COL25A1: variants seen among roughly 807,000 people sequenced by gnomAD.
COL25A1 encodes the protein collagen type XXV alpha 1 chain.
Under a neutral mutation model 128.4 loss-of-function variants are expected in COL25A1, and 103 were observed. That is an observed-to-expected ratio of 0.80 (90% CI 0.68 to 0.94). The LOEUF (loss-of-function observed/expected upper bound fraction) is 0.94. COL25A1 is among the 40% of genes least tolerant of loss of function. COL25A1 has a pLI of 0.00. For missense variants in COL25A1, 745 were observed against 840.0 expected (o/e 0.89, Z 1.40); for synonymous variants, 279 against 277.2 (o/e 1.01, Z -0.06).
intron 20 of COL25A1, 41 bp downstream of exon 20, chr4:108,869,047 A>G (rs778122257): frequency 1.6e-6 from 2 of 1,280,380 alleles, no homozygotes; most frequent in African/African-American, 1.5e-5. Flanking sequence ...AAAAGAAAGA[A>G]AGAAAAAGAA....
At chr4:109,179,171 C>T (rs866232903) in intron 3 of COL25A1, among the ~76,000 whole-genome samples, 17 of 152,306 alleles carry the variant, frequency 1.1e-4, no homozygotes, top group African/African-American at 2.4e-4. Flanking sequence ...TTCAAGGTGA[C>T]GGTCACCACC....
At chr4:108,937,594 C>CCT (rs2125923418) in intron 11 of COL25A1, among the ~76,000 whole-genome samples, 1 of 45,556 alleles carries the variant, frequency 2.2e-5, no homozygotes, top group African/African-American at 4.2e-5. Context: ...GCTCCCCACA[C>CCT]CTGGAATCTC....
At chr4:109,163,611 T>C (rs1334981751) in intron 3 of COL25A1, among the ~76,000 whole-genome samples, 1 of 152,218 alleles carries the variant, frequency 6.6e-6, no homozygotes, top group East Asian at 1.9e-4. Context: ...CTAAACAGCA[T>C]GAATGGCTAA....
At chr4:109,082,484 C>T (rs747172672) in intron 3 of COL25A1, among the ~76,000 whole-genome samples, 2 of 152,134 alleles carry the variant, frequency 1.3e-5, no homozygotes, top group Non-Finnish European at 2.9e-5. Context: ...TTATTACAGC[C>T]GTCCTCATGC....
intron 3 of COL25A1, among the ~76,000 whole-genome samples, chr4:109,216,697 G>C (rs1047185909): frequency 3.3e-5 from 5 of 152,148 alleles, no homozygotes; most frequent in Admixed American, 1.3e-4. Flanking sequence ...TTCAGAGGGA[G>C]CATGGCCCTG....
intron 11 of COL25A1, among the ~76,000 whole-genome samples, chr4:108,922,897 T>C (rs1446670989): frequency 6.6e-6 from 1 of 152,192 alleles, no homozygotes; most frequent in Non-Finnish European, 1.5e-5. Context: ...AATGTGCATA[T>C]ACTTCTTTGA....
At chr4:109,049,779 C>T (rs1476792080) in intron 4 of COL25A1, among the ~76,000 whole-genome samples, 1 of 152,136 alleles carries the variant, frequency 6.6e-6, no homozygotes, top group African/African-American at 2.4e-5. Context: ...TGACTGACCA[C>T]CTATATAGAT....
intron 3 of COL25A1, among the ~76,000 whole-genome samples, chr4:109,286,689 G>A (rs1723923305): frequency 6.6e-6 from 1 of 152,136 alleles, no homozygotes; most frequent in Non-Finnish European, 1.5e-5. Context: ...ATGCTGCTAA[G>A]CATCCTATGA....
chr4:108,880,270 G>A (rs1204291824), intron 19 of COL25A1, among the ~76,000 whole-genome samples: 1 of 152,162 alleles, frequency 6.6e-6, no homozygotes, highest in Admixed American at 6.5e-5. Flanking sequence ...TAACACTGTG[G>A]TTCTTCATCC....
At chr4:108,947,275 C>T (rs1748880070) in intron 8 of COL25A1, among the ~76,000 whole-genome samples, 1 of 151,934 alleles carries the variant, frequency 6.6e-6, no homozygotes, top group Non-Finnish European at 1.5e-5. Context: ...AACCCCGTCC[C>T]TACTAAAAAT....
At chr4:109,199,893 C>T (rs1253327210) in intron 3 of COL25A1, among the ~76,000 whole-genome samples, 1 of 152,198 alleles carries the variant, frequency 6.6e-6, no homozygotes, top group Non-Finnish European at 1.5e-5. Context: ...TAAGAATAAA[C>T]TGCAGCAAAA....
chr4:109,279,554 C>T (rs555398941), intron 3 of COL25A1, among the ~76,000 whole-genome samples: 6 of 152,072 alleles, frequency 3.9e-5, no homozygotes, highest in East Asian at 1.9e-4. Context: ...CCAGCTTGGG[C>T]GACACAGCAA....
At chr4:109,037,122 G>C (rs958356479) in intron 5 of COL25A1, among the ~76,000 whole-genome samples, 1 of 152,124 alleles carries the variant, frequency 6.6e-6, no homozygotes, top group Non-Finnish European at 1.5e-5. Flanking sequence ...TCATAACATA[G>C]ATGTAGCTAA....
chr4:108,937,335 A>AT (rs11296982), intron 11 of COL25A1, among the ~76,000 whole-genome samples: 97 of 146,952 alleles, frequency 6.6e-4, no homozygotes, highest in East Asian at 2.0e-3. Context: ...TTTCAGGACC[A>AT]TTTTTTTTTT....
chr4:109,092,503 C>T (rs1765005747), intron 3 of COL25A1, among the ~76,000 whole-genome samples: 2 of 152,104 alleles, frequency 1.3e-5, no homozygotes, highest in Admixed American at 6.5e-5. Flanking sequence ...GCACACACCA[C>T]GCCACCCACA....
At chr4:109,070,578 G>A (rs1762848890) in intron 3 of COL25A1, among the ~76,000 whole-genome samples, 1 of 151,892 alleles carries the variant, frequency 6.6e-6, no homozygotes, top group Non-Finnish European at 1.5e-5. Flanking sequence ...GGGTACATGT[G>A]CACAACGTGC....
intron 3 of COL25A1, among the ~76,000 whole-genome samples, chr4:109,146,427 G>A (rs1770951038): frequency 6.6e-6 from 1 of 152,170 alleles, no homozygotes; most frequent in Non-Finnish European, 1.5e-5. Flanking sequence ...GTTACAATAT[G>A]TTTCTTGAAT....
rs547377812 is a variant in COL25A1 at position 108,831,628 on chromosome 4, C to G, written c.1710+752G>C. Reference sequence around the variant, plus strand: ...TCCACTCAGACACACAAAAATAATTCTAAGATTTCCAAGGTGAGGAAAAGA... The same window carrying G: ...TCCACTCAGACACACAAAAATAATTGTAAGATTTCCAAGGTGAGGAAAAGA... On this transcript the variant is annotated intron_variant, in intron 32 of 37. Coordinates refer to ENST00000399132, the MANE Select transcript of COL25A1 (RefSeq NM_198721.4). Among the ~76,000 whole-genome samples the G allele has an allele frequency of 4.7e-5, 7 of 147,386 alleles. 1 individual carries two copies. The South Asian group carries it at 1.3e-3, about 27-fold the overall frequency.
intron 11 of COL25A1, among the ~76,000 whole-genome samples, chr4:108,934,588 A>G (rs1169612068): frequency 1.3e-5 from 2 of 152,220 alleles, no homozygotes; most frequent in African/African-American, 2.4e-5. Context: ...TAAAATATAC[A>G]GGTGCTATTC....
Sources: allele counts gnomAD v4.1 joint callset (sites outside exome capture counted in the v4.1 genomes callset), GRCh38; gene constraint gnomAD v4.1.1; transcripts MANE v1.5; gene names NCBI Gene and HGNC (gene_info 2026-07-23, HGNC 2026-07-21).